Variants in CLEC4F observed in about 807,000 individuals in gnomAD.
CLEC4F encodes the protein C-type lectin domain family 4 member F, also known as C-type (calcium dependent, carbohydrate-recognition domain) lectin, superfamily member 13.
Under a neutral mutation model 53.4 loss-of-function variants are expected in CLEC4F, and 45 were observed. The ratio of observed to expected loss-of-function variants is 0.84; its 90% CI spans 0.66 to 1.08. The LOEUF (loss-of-function observed/expected upper bound fraction) is 1.08, where lower values mean the gene tolerates loss of function less well. Among genes scored for constraint, CLEC4F ranks in the 50% least tolerant of loss-of-function variants. The pLI, the probability that CLEC4F is intolerant of heterozygous loss-of-function variation, is 0.00. For synonymous variants in CLEC4F, 245 were observed against 257.5 expected (o/e 0.95, Z 0.46); for missense variants, 753 against 698.2 (o/e 1.08, Z -0.88).
upstream of CLEC4F, among the ~76,000 whole-genome samples, chr2:70,824,738 A>G (rs1677308400): frequency 6.6e-6 from 1 of 152,174 alleles, no homozygotes. Context: ...AAAACAAAAA[A>G]ACAAATAAAA....
Position 70,816,840 on chromosome 2 carries a change from G to A in CLEC4F, c.541C>T (p.Gln181Ter), listed in dbSNP as rs369987088. 5 of 1,614,184 alleles carry A rather than the reference G, an allele frequency of 3.1e-6. No individual in the cohort carries two copies. Among genetic ancestry groups the A allele is most frequent in the Non-Finnish European group, 4.2e-6 (5 of 1,180,032 alleles). ...TTTTCAAGGTCTTCCTTGAGCCTCTGGATCTCAGCATTGGTTCCCTCCAGG... is the reference window on the plus strand; with the variant it reads ...TTTTCAAGGTCTTCCTTGAGCCTCTAGATCTCAGCATTGGTTCCCTCCAGG... ...SSLEGTNAEI[Q>*]RLKEDLEKAD... Residue 181 changes from glutamine to a stop codon, truncating the protein, a stop_gained, in exon 4 of 7, where the codon CAG (glutamine) becomes TAG (stop). Coordinates refer to ENST00000272367, the MANE Select transcript of CLEC4F (RefSeq NM_173535.3). LOFTEE classifies it high-confidence loss of function.
At position 70,819,502 on chromosome 2, in the gene CLEC4F, C is replaced by T. The variant is rs530766942; in HGVS notation, c.179-58G>A. The stretch of plus-strand genomic sequence containing the variant: ...CCCCAGCCCTGAGCCTGGGAGGATA[C>T]GCTGTCCCACACAGAGGTAGAGTTC... On this transcript the variant is annotated intron_variant, in intron 2 of 6. Coordinates refer to ENST00000272367, the MANE Select transcript of CLEC4F (RefSeq NM_173535.3). 138 of 1,469,388 alleles carry T rather than the reference C, an allele frequency of 9.4e-5. 3 individuals are homozygous for T. In the South Asian group the frequency reaches 1.3e-3, roughly 14 times the overall value. 91.0% of individuals were successfully genotyped at this position (1,469,388 alleles called of 1,614,324 possible).
chr2:70,809,606 C>A, intron 6 of CLEC4F, 133 bp downstream of exon 6: 1 of 811,682 alleles, frequency 1.2e-6, no homozygotes, highest in Non-Finnish European at 2.1e-6. Context: ...CACACATACA[C>A]CACATACACA....
chr2:70,812,484 C>T lies in CLEC4F; in HGVS notation c.1502G>A (p.Gly501Glu). The T allele has an allele frequency of 6.2e-7, 1 of 1,614,212 alleles. No homozygotes were observed. The highest frequency in any genetic ancestry group is 8.5e-7 in the Non-Finnish European group (1 of 1,180,038). ...GGAGGCCACAGATGCCAGATGGGCT[C>T]CCTGGGACACGCAGAACTGCTCAGC... Reference protein sequence around the residue: ...HEAEQFCVSQGAHLASVASKE... With the variant: ...HEAEQFCVSQEAHLASVASKE... Residue 501 changes from glycine to glutamate, a missense_variant, in exon 5 of 7, where the codon GGA becomes GAA. By Grantham distance (98) the Gly-to-Glu change is moderately conservative. Coordinates refer to ENST00000272367, the MANE Select transcript of CLEC4F (RefSeq NM_173535.3).
At position 70,820,128 on chromosome 2, in the gene CLEC4F, C is replaced by T. The variant is rs541037134; in HGVS notation, c.62-237G>A. Among the ~76,000 whole-genome samples the T allele has an allele frequency of 1.6e-3, 245 of 152,238 alleles. 3 individuals are homozygous for T. Among genetic ancestry groups the T allele is most frequent in the Middle Eastern group, 0.01 (3 of 294 alleles). On this transcript the variant is annotated intron_variant, in intron 1 of 6. Transcript: ENST00000272367. ...ACACAGAGCTGAGGAGCTCTGAGAC[C>T]GAGACCACCGATCTCCAAATCTCAA...
At chr2:70,813,589 C>T (rs1676701094) in intron 4 of CLEC4F, among the ~76,000 whole-genome samples, 1 of 124,986 alleles carries the variant, frequency 8.0e-6, no homozygotes, top group South Asian at 2.8e-4. Flanking sequence ...CTTTCTCTCT[C>T]TTTCTTTCTC....
chr2:70,820,705 C>G, upstream of CLEC4F: 1 of 567,236 alleles, frequency 1.8e-6, no homozygotes, highest in Middle Eastern at 4.7e-4. Flanking sequence ...GGGCCCCTCC[C>G]CTAGAGGCTC....
At position 70,809,798 on chromosome 2, in the gene CLEC4F, G is replaced by T. The variant is rs540370999; in HGVS notation, c.1599C>A (p.Gly533=). 3 of 1,614,170 alleles carry T rather than the reference G, an allele frequency of 1.9e-6. No homozygotes were observed. The highest frequency in any genetic ancestry group is 2.5e-6 in the Non-Finnish European group (3 of 1,180,026). Residue 533 remains glycine (G), a synonymous_variant, in exon 6 of 7, where the codon GGC becomes GGA. Transcript: ENST00000272367. The stretch of plus-strand genomic sequence containing the variant: ...CTGTCCAGCGCCAGGAGCCCTCTGT[G>T]CCCCTGTCAGTGAGACCGATCCAGT... The part of the protein sequence containing the change: ...VYYWIGLTDR[G]TEGSWRWTDG...
In CLEC4F at chr2:70,816,497, G is replaced by C; in HGVS notation, c.884C>G (p.Thr295Arg). The C allele has an allele frequency of 1.2e-6, 2 of 1,614,158 alleles. No homozygotes were observed. The highest frequency in any genetic ancestry group is 1.7e-6 in the Non-Finnish European group (2 of 1,180,032). The change falls in exon 4 of 7, where the codon ACA (threonine) becomes AGA (arginine). Residue 295 changes from threonine to arginine, a missense_variant. Transcript: ENST00000272367. ...CTGGGTCTGGGAGTTTAAAGCATTTGTGTTCTGCAAATTTTCCTTTAGTCC... is the reference window on the plus strand; with the variant it reads ...CTGGGTCTGGGAGTTTAAAGCATTTCTGTTCTGCAAATTTTCCTTTAGTCC... Reference protein sequence around the residue: ...IQGLKENLQNTNALNSQTQAF... With the variant: ...IQGLKENLQNRNALNSQTQAF...
At chr2:70,813,915 G>A (rs1676751715) in intron 4 of CLEC4F, among the ~76,000 whole-genome samples, 1 of 152,132 alleles carries the variant, frequency 6.6e-6, no homozygotes, top group Admixed American at 6.6e-5. Context: ...CTGATCTCAG[G>A]TGATCTGCCT....
upstream of CLEC4F, among the ~76,000 whole-genome samples, chr2:70,821,195 T>C (rs1397054092): frequency 1.3e-5 from 2 of 152,184 alleles, no homozygotes; most frequent in Non-Finnish European, 2.9e-5. Flanking sequence ...ATATCTGGTC[T>C]TCATCTCAGT....
chr2:70,820,735 A>G (rs1677192205), upstream of CLEC4F: 2 of 512,572 alleles, frequency 3.9e-6, no homozygotes, highest in Admixed American at 3.6e-5. Flanking sequence ...CATCTGCCCT[A>G]TTTTCTTCCT....
chr2:70,809,297 GAGGGGTGTCTATGA>G lies in CLEC4F; in HGVS notation c.1730_1743del (p.Phe577SerfsTer8), dbSNP rs1676405154. On this transcript the variant is annotated frameshift_variant, in exon 7 of 7. Transcript: ENST00000272367. LOFTEE classifies it high-confidence loss of function. Reference sequence around the variant, plus strand: ...TAGTTACTGAGGATCCAGGGACAGGGAGGGGTGTCTATGAAGCTGCAAGCTCCCATCCCAGAATT... The same window carrying G: ...TAGTTACTGAGGATCCAGGGACAGGGAGCTGCAAGCTCCCATCCCAGAATT... The G allele has an allele frequency of 3.1e-6, 5 of 1,613,950 alleles. No individual in the cohort carries two copies. Among genetic ancestry groups the G allele is most frequent in the African/African-American group, 1.3e-5 (1 of 74,908 alleles).
intron 4 of CLEC4F, among the ~76,000 whole-genome samples, chr2:70,813,281 A>T (rs1174883894): frequency 6.6e-6 from 1 of 152,238 alleles, no homozygotes; most frequent in Non-Finnish European, 1.5e-5. Context: ...CTGTACAAAG[A>T]TCAATCAGAC....
intron 4 of CLEC4F, 39 bp from the exon 5 acceptor site, chr2:70,812,637 G>A: frequency 1.4e-5 from 22 of 1,606,708 alleles, no homozygotes; most frequent in Non-Finnish European, 1.9e-5. Flanking sequence ...ACCAGGAGCT[G>A]CTGGTAGGAG....
rs782326987 is a variant in CLEC4F, at chr2:70,816,401, G to A, written c.980C>T (p.Ala327Val). Residue 327 changes from alanine (A) to valine (V), a missense_variant, in exon 4 of 7, where the codon GCT becomes GTT. Transcript: ENST00000272367. ...IQFLRGHLERAGDEIHVLKRD... is the reference protein window; with the variant it reads ...IQFLRGHLERVGDEIHVLKRD... ...TTTTAACACGTGAATTTCATCACCAGCTCTTTCCAAATGACCTCTTAAGAA... is the reference window on the plus strand; with the variant it reads ...TTTTAACACGTGAATTTCATCACCAACTCTTTCCAAATGACCTCTTAAGAA... The A allele has an allele frequency of 6.2e-7, 1 of 1,613,710 alleles. No individual in the cohort carries two copies. The highest frequency in any genetic ancestry group is 1.3e-5 in the African/African-American group (1 of 74,864).
In CLEC4F at chr2:70,808,962, C is replaced by A; in HGVS notation, c.*309G>T. 1.0e-6 allele frequency: 1 copy of A among 1,004,376 alleles called. No individual in the cohort carries two copies. The highest frequency in any genetic ancestry group is 1.5e-5 in the South Asian group (1 of 66,220). 62.2% of individuals were successfully genotyped at this position (1,004,376 alleles called of 1,614,324 possible). A position where few individuals can be genotyped will look rare whatever the true frequency, so the allele number is the denominator to read the frequency against. On this transcript the variant is annotated 3_prime_UTR_variant, in exon 7 of 7. Coordinates refer to ENST00000272367, the MANE Select transcript of CLEC4F (RefSeq NM_173535.3). ...CACCCTGGCCCATGGGCTTCTTGCA[C>A]ACCCACTGATAGGGGGTGTCACAGG...
intron 3 of CLEC4F, 52 bp from the exon 4 acceptor site, chr2:70,817,164 G>A (rs782522591): frequency 6.5e-7 from 1 of 1,542,446 alleles, no homozygotes; most frequent in Non-Finnish European, 8.7e-7. Context: ...ATGTAGGGTA[G>A]CATTTTATGG....
chr2:70,810,160 G>A (rs1290314589), intron 5 of CLEC4F, among the ~76,000 whole-genome samples: 2 of 150,188 alleles, frequency 1.3e-5, no homozygotes, highest in Admixed American at 6.6e-5. Context: ...TTTAATAGAT[G>A]GGTTTGCTTG....
Sources: gnomAD v4.1 joint callset for allele counts (sites outside exome capture counted in the v4.1 genomes callset) on GRCh38, gnomAD v4.1.1 for gene constraint, MANE v1.5 for transcripts, NCBI Gene and HGNC (gene_info 2026-07-23, HGNC 2026-07-21) for gene names.